The following SCN1A variants were observed in gnomAD, a reference collection of about 807,000 sequenced individuals.
SCN1A encodes the protein sodium voltage-gated channel alpha subunit 1, also known as sodium channel protein type 1 subunit alpha.
In SCN1A, 13 loss-of-function variants were observed where a neutral mutation model predicts 193.7. The ratio of observed to expected loss-of-function variants is 0.07; its 90% CI spans 0.04 to 0.11. The LOEUF (loss-of-function observed/expected upper bound fraction) is 0.11, where lower values mean the gene tolerates loss of function less well. SCN1A is among the 10% of genes least tolerant of loss of function. SCN1A has a pLI of 1.00. For missense variants in SCN1A, 1,432 were observed against 2,451.1 expected (o/e 0.58, Z 8.78); for synonymous variants, 781 against 843.6 (o/e 0.93, Z 1.29).
intron 2 of SCN1A, among the ~76,000 whole-genome samples, chr2:166,119,095 A>G (rs555306137): frequency 6.6e-6 from 1 of 152,302 alleles, no homozygotes; most frequent in East Asian, 1.9e-4. Context: ...GGCGGAGCTC[A>G]GGCTGTAATG....
chr2:166,087,551 C>T (rs2106058290), intron 2 of SCN1A, among the ~76,000 whole-genome samples: 1 of 152,226 alleles, frequency 6.6e-6, no homozygotes, highest in South Asian at 2.1e-4. Context: ...ACAGGCTGCC[C>T]TTGCCTTCTG....
upstream of SCN1A, among the ~76,000 whole-genome samples, chr2:166,131,067 TTA>T (rs1491440673): frequency 1.1e-4 from 15 of 137,136 alleles, no homozygotes; most frequent in East Asian, 1.1e-3. Context: ...TGCATTTTAT[TTA>T]TTTTTTTGTA....
At chr2:166,079,735 C>T (rs1442413507) in intron 2 of SCN1A, among the ~76,000 whole-genome samples, 2 of 150,726 alleles carry the variant, frequency 1.3e-5, no homozygotes, top group African/African-American at 2.4e-5. Context: ...AATAAACAAC[C>T]AAGAAAGTAG....
At chr2:166,119,170 T>C (rs1450433774) in intron 2 of SCN1A, among the ~76,000 whole-genome samples, 26 of 152,224 alleles carry the variant, frequency 1.7e-4, no homozygotes, top group Admixed American at 1.4e-3. Flanking sequence ...GGACCAGTAC[T>C]GGTCCGTGGC....
intron 9 of SCN1A, among the ~76,000 whole-genome samples, chr2:166,050,691 C>G (rs1698458105): frequency 7.0e-6 from 1 of 142,578 alleles, no homozygotes; most frequent in Admixed American, 7.2e-5. Context: ...GTTGCCCACA[C>G]TGGTCTCAAA....
At chr2:166,031,844 T>C (rs757329055) in intron 19 of SCN1A, among the ~76,000 whole-genome samples, 3 of 152,136 alleles carry the variant, frequency 2.0e-5, no homozygotes, top group Non-Finnish European at 4.4e-5. Context: ...ATGAGGAAAC[T>C]GATTATTAGA....
Position 166,073,651 on chromosome 2 carries a change from T to C in SCN1A, c.-30A>G. On this transcript the variant is annotated 5_prime_UTR_variant, in exon 4 of 29. Transcript: ENST00000674923. The stretch of plus-strand genomic sequence containing the variant: ...TCATCCTGCACATTTTAATTACCAT[T>C]TATTCTGCATATGAAATTCCTAAAA... 6.2e-7 allele frequency: 1 copy of C among 1,612,170 alleles called. No homozygotes were observed. Among genetic ancestry groups the C allele is most frequent in the Non-Finnish European group, 8.5e-7 (1 of 1,178,662 alleles).
intron 1 of SCN1A, among the ~76,000 whole-genome samples, chr2:166,134,568 A>C (rs1250533081): frequency 2.6e-5 from 4 of 152,196 alleles, no homozygotes; most frequent in Non-Finnish European, 5.9e-5. Flanking sequence ...TTAACCACAA[A>C]GTACTCAAGC....
chr2:166,014,417 G>T (rs954336237), intron 20 of SCN1A, among the ~76,000 whole-genome samples: 21 of 151,474 alleles, frequency 1.4e-4, no homozygotes, highest in African/African-American at 5.1e-4. Context: ...TAATTTGTAT[G>T]ATTTGGCTTT....
chr2:166,033,631 A>G (rs747207291), intron 19 of SCN1A, among the ~76,000 whole-genome samples: 3 of 152,198 alleles, frequency 2.0e-5, no homozygotes, highest in Non-Finnish European at 2.9e-5. Context: ...TAAAATTTCA[A>G]TTAATGCAAT....
intron 2 of SCN1A, among the ~76,000 whole-genome samples, chr2:166,087,008 G>A (rs921261643): frequency 6.6e-5 from 10 of 152,106 alleles, no homozygotes; most frequent in East Asian, 1.9e-4. Flanking sequence ...ATGGTTTGTC[G>A]CCATCAAATC....
chr2:166,113,523 T>C (rs1689521963), intron 2 of SCN1A, among the ~76,000 whole-genome samples: 1 of 151,730 alleles, frequency 6.6e-6, no homozygotes, highest in African/African-American at 2.4e-5. Context: ...TTTCCTGTCA[T>C]TTGTCTTTTA....
chr2:165,985,757 A>G (rs1188451012), downstream of SCN1A: 1 of 152,120 alleles, frequency 6.6e-6, no homozygotes, highest in East Asian at 1.9e-4. Context: ...TTGATTGACA[A>G]CCTCAGTGGG....
At chr2:166,121,981 T>C (rs906557984) in intron 2 of SCN1A, among the ~76,000 whole-genome samples, 1 of 152,248 alleles carries the variant, frequency 6.6e-6, no homozygotes, top group East Asian at 1.9e-4. Flanking sequence ...GGAATGCACA[T>C]GCACAGAGGA....
At chr2:166,072,991 C>G (rs1684610114) in intron 4 of SCN1A, among the ~76,000 whole-genome samples, 1 of 152,024 alleles carries the variant, frequency 6.6e-6, no homozygotes, top group South Asian at 2.1e-4. Flanking sequence ...ATGCGTGTGC[C>G]ACCACGCCCA....
intron 2 of SCN1A, among the ~76,000 whole-genome samples, chr2:166,097,731 C>T (rs530957180): frequency 6.6e-6 from 1 of 152,256 alleles, no homozygotes; most frequent in African/African-American, 2.4e-5. Context: ...AGATGTGTAT[C>T]ACCTGACCAG....
At chr2:166,032,048 T>C (rs1405154232) in intron 19 of SCN1A, among the ~76,000 whole-genome samples, 7 of 152,060 alleles carry the variant, frequency 4.6e-5, no homozygotes, top group Non-Finnish European at 1.0e-4. Context: ...GGTATTATAA[T>C]GATGCATTGT....
chr2:166,094,976 C>G (rs1412960133), intron 2 of SCN1A, among the ~76,000 whole-genome samples: 3 of 152,110 alleles, frequency 2.0e-5, no homozygotes, highest in African/African-American at 7.2e-5. Flanking sequence ...TTTCACCACT[C>G]CTTTTAGATC....
chr2:166,015,027 G>A (rs1312606458), intron 20 of SCN1A, among the ~76,000 whole-genome samples: 1 of 151,740 alleles, frequency 6.6e-6, no homozygotes, highest in Non-Finnish European at 1.5e-5. Context: ...TAGAAAGTAT[G>A]CATATTTCCA....
Sources: gnomAD v4.1 joint callset for allele counts (sites outside exome capture counted in the v4.1 genomes callset) on GRCh38, gnomAD v4.1.1 for gene constraint, MANE v1.5 for transcripts, NCBI Gene and HGNC (gene_info 2026-07-23, HGNC 2026-07-21) for gene names.